The following KCNAB1 variants were observed in gnomAD, a reference collection of about 807,000 sequenced individuals.
The protein encoded by KCNAB1 is voltage-gated potassium channel subunit beta-1.
A neutral mutation model predicts 64.6 loss-of-function variants in KCNAB1; 35 were observed. The ratio of observed to expected loss-of-function variants is 0.54; its 90% CI spans 0.41 to 0.72. The LOEUF (loss-of-function observed/expected upper bound fraction) is 0.72, where lower values mean the gene tolerates loss of function less well. KCNAB1 is among the 30% of genes least tolerant of loss of function. The pLI is 0.00. For synonymous variants in KCNAB1, 177 were observed against 183.8 expected (o/e 0.96, Z 0.30); for missense variants, 401 against 512.9 (o/e 0.78, Z 2.11).
chr3:156,441,373 G>A (rs1716981655), intron 2 of KCNAB1: 1 of 152,108 alleles, frequency 6.6e-6, no homozygotes, highest in Non-Finnish European at 1.5e-5. Flanking sequence ...AGGACACATT[G>A]ACTTTCAAAC....
intron 8 of KCNAB1, among the ~76,000 whole-genome samples, chr3:156,504,751 G>GTTTTTTTTTTTTTTTTTTTTTT (rs71302274): frequency 7.5e-6 from 1 of 132,750 alleles, no homozygotes; most frequent in Non-Finnish European, 1.6e-5. Context: ...TGTTTTTTTT[G>GTTTTTTTTTTTTTTTTTTTTTT]TTTTTTTTTT....
chr3:156,507,786 T>A (rs1716924678), intron 8 of KCNAB1, among the ~76,000 whole-genome samples: 1 of 152,150 alleles, frequency 6.6e-6, no homozygotes, highest in Non-Finnish European at 1.5e-5. Context: ...ATTCTTGCAT[T>A]ATACCAGTGT....
intron 1 of KCNAB1, among the ~76,000 whole-genome samples, chr3:156,317,021 A>G (rs1190820996): frequency 1.3e-5 from 2 of 152,182 alleles, no homozygotes; most frequent in African/African-American, 4.8e-5. Context: ...CCCAGAGCAT[A>G]AGTTCTCAAT....
At chr3:156,523,106 A>G (rs1718064200) in intron 11 of KCNAB1, among the ~76,000 whole-genome samples, 1 of 152,222 alleles carries the variant, frequency 6.6e-6, no homozygotes, top group Admixed American at 6.5e-5. Flanking sequence ...TCTATAGATC[A>G]GGGTCAGTTT....
intron 1 of KCNAB1, among the ~76,000 whole-genome samples, chr3:156,344,039 C>T (rs1021508938): frequency 6.6e-6 from 1 of 152,134 alleles, no homozygotes; most frequent in South Asian, 2.1e-4. Flanking sequence ...AGTCAGCCTC[C>T]TATCTGATGA....
rs113966075 is a variant in KCNAB1, at chr3:156,256,696, C to T, written c.275+135810C>T. ...AAATGTAGCTTAAGTATTTTTTTTACCCCATGTGTGCTGAATATTTTTAAT... is the reference window on the plus strand; with the variant it reads ...AAATGTAGCTTAAGTATTTTTTTTATCCCATGTGTGCTGAATATTTTTAAT... On this transcript the variant is annotated intron_variant, in intron 1 of 13. Transcript: ENST00000490337. 3.0e-4 allele frequency among the ~76,000 whole-genome samples: 46 copies of T among 152,106 alleles called. 1 individual carries two copies. The highest frequency in any genetic ancestry group is 1.0e-3 in the African/African-American group (43 of 41,514).
chr3:156,369,147 C>A (rs1480577493), intron 1 of KCNAB1, among the ~76,000 whole-genome samples: 1 of 152,080 alleles, frequency 6.6e-6, no homozygotes, highest in Admixed American at 6.6e-5. Flanking sequence ...ATTCTGATTT[C>A]TTTTACCATA....
At chr3:156,472,748 A>C (rs1040374755) in intron 7 of KCNAB1, among the ~76,000 whole-genome samples, 4 of 152,204 alleles carry the variant, frequency 2.6e-5, no homozygotes, top group African/African-American at 7.2e-5. Flanking sequence ...AACCTGTGCC[A>C]ATAGCCGCTC....
At chr3:156,198,971 A>ATTTTTTTTTTTTTTTTTTT (rs1553819222) in intron 1 of KCNAB1, among the ~76,000 whole-genome samples, 2 of 28,082 alleles carry the variant, frequency 7.1e-5, no homozygotes. Context: ...TTTCCTTTTC[A>ATTTTTTTTTTTTTTTTTTT]TATTTAGTGC....
chr3:156,302,557 CTGAGT>C (rs1721226045), intron 1 of KCNAB1, among the ~76,000 whole-genome samples: 1 of 152,136 alleles, frequency 6.6e-6, no homozygotes, highest in Non-Finnish European at 1.5e-5. Flanking sequence ...GGGATTTTCT[CTGAGT>C]AAGGCTACAG....
chr3:156,136,648 C>G (rs1273254913), intron 1 of KCNAB1, among the ~76,000 whole-genome samples: 1 of 152,210 alleles, frequency 6.6e-6, no homozygotes, highest in Non-Finnish European at 1.5e-5. Context: ...CCTTTCGACG[C>G]CGCTCACCTA....
At chr3:156,412,837 G>A (rs1714768234) in intron 1 of KCNAB1, among the ~76,000 whole-genome samples, 1 of 152,200 alleles carries the variant, frequency 6.6e-6, no homozygotes, top group African/African-American at 2.4e-5. Flanking sequence ...GGCTCTTCAG[G>A]ATTTGCTGAC....
intron 13 of KCNAB1, among the ~76,000 whole-genome samples, chr3:156,534,958 T>C (rs1160991723): frequency 6.6e-6 from 1 of 152,112 alleles, no homozygotes; most frequent in East Asian, 1.9e-4. Context: ...GAGATTTGCT[T>C]TGGTGTAATG....
At chr3:156,374,407 T>C (rs1261965105) in intron 1 of KCNAB1, among the ~76,000 whole-genome samples, 3 of 85,274 alleles carry the variant, frequency 3.5e-5, no homozygotes, top group East Asian at 2.1e-4. Flanking sequence ...TATTTCAGTG[T>C]TGAGCCATAC....
chr3:156,277,474 C>A (rs1719409639), intron 1 of KCNAB1, among the ~76,000 whole-genome samples: 1 of 152,122 alleles, frequency 6.6e-6, no homozygotes, highest in African/African-American at 2.4e-5. Flanking sequence ...AAGCAAAACA[C>A]ATTAAGATGA....
intron 1 of KCNAB1, among the ~76,000 whole-genome samples, chr3:156,387,827 C>T (rs1712727492): frequency 6.6e-6 from 1 of 152,080 alleles, no homozygotes; most frequent in Admixed American, 6.5e-5. Context: ...AGGATATGGA[C>T]TTATTTTTTT....
intron 2 of KCNAB1, among the ~76,000 whole-genome samples, chr3:156,433,626 G>C (rs768726501): frequency 6.6e-6 from 1 of 152,194 alleles, no homozygotes; most frequent in African/African-American, 2.4e-5. Context: ...TGGCCCAGGG[G>C]AGGAAGTGAC....
At chr3:156,479,624 A>G (rs1293189618) in intron 8 of KCNAB1, among the ~76,000 whole-genome samples, 1 of 152,200 alleles carries the variant, frequency 6.6e-6, no homozygotes, top group Non-Finnish European at 1.5e-5. Context: ...TTTAAATTAA[A>G]TTAAATTTTA....
chr3:156,217,206 G>A (rs946392430), intron 1 of KCNAB1, among the ~76,000 whole-genome samples: 3 of 152,218 alleles, frequency 2.0e-5, no homozygotes, highest in Admixed American at 1.3e-4. Context: ...AGTCAGCAAA[G>A]ATAATGTGCA....
Sources: gnomAD v4.1 joint callset for allele counts (sites outside exome capture counted in the v4.1 genomes callset) on GRCh38, gnomAD v4.1.1 for gene constraint, MANE v1.5 for transcripts, NCBI Gene and HGNC (gene_info 2026-07-23, HGNC 2026-07-21) for gene names.